Variants in LDLRAD3 observed in about 807,000 individuals in gnomAD.
LDLRAD3 encodes the protein low-density lipoprotein receptor class A domain-containing protein 3.
In LDLRAD3, 20 loss-of-function variants were observed where a neutral mutation model predicts 29.4. The observed-to-expected ratio is 0.68, with a 90% CI of 0.48 to 0.99. The LOEUF (loss-of-function observed/expected upper bound fraction) is 0.99, where lower values mean the gene tolerates loss of function less well. Among genes scored for constraint, LDLRAD3 ranks in the 50% least tolerant of loss-of-function variants. The pLI is 0.00. For synonymous variants in LDLRAD3, 157 were observed against 192.7 expected, an observed-to-expected ratio of 0.81 and a Z score of 1.53; for missense variants, 420 against 454.3, an observed-to-expected ratio of 0.92 and a Z score of 0.69.
At chr11:36,111,412 G>A (rs1290923448) in intron 4 of LDLRAD3, among the ~76,000 whole-genome samples, 1 of 152,044 alleles carries the variant, frequency 6.6e-6, no homozygotes, top group Non-Finnish European at 1.5e-5. Context: ...GGTCAGTTAT[G>A]TCTTTTTTTT....
At chr11:36,036,058 C>T in intron 1 of LDLRAD3, 45 bp from the exon 2 acceptor site, 3 of 1,593,558 alleles carry the variant, frequency 1.9e-6, no homozygotes, top group Non-Finnish European at 2.6e-6. Context: ...GCGCTGAGGT[C>T]CCTGCTGTTG....
intron 3 of LDLRAD3, among the ~76,000 whole-genome samples, chr11:36,091,278 G>A (rs1853276381): frequency 6.6e-6 from 1 of 152,196 alleles, no homozygotes; most frequent in South Asian, 2.1e-4. Context: ...TTTGAGGTAG[G>A]AGAGGAGCCG....
chr11:36,017,443 C>T lies in LDLRAD3; in HGVS notation c.47-18660C>T, dbSNP rs562697227. 3.0e-3 allele frequency among the ~76,000 whole-genome samples: 453 copies of T among 152,200 alleles called. 3 individuals are homozygous for T. The highest frequency in any genetic ancestry group is 6.8e-3 in the African/African-American group (282 of 41,546). ...CCTTTACTCTTGACTGGTCAACTTT[C>T]GCTGTGACTGGACTACTTTCACCTC... On this transcript the variant is annotated intron_variant, in intron 1 of 5. Coordinates refer to ENST00000315571, the MANE Select transcript of LDLRAD3 (RefSeq NM_174902.4).
At chr11:36,033,761 A>G (rs1309623294) in intron 1 of LDLRAD3, among the ~76,000 whole-genome samples, 1 of 152,142 alleles carries the variant, frequency 6.6e-6, no homozygotes, top group Non-Finnish European at 1.5e-5. Flanking sequence ...GGTCCCCCTC[A>G]AGCCCTTGCC....
intron 4 of LDLRAD3, chr11:36,196,917 G>A (rs1168381737): frequency 6.6e-6 from 1 of 152,112 alleles, no homozygotes; most frequent in Non-Finnish European, 1.5e-5. Flanking sequence ...CTCTCTTACT[G>A]TGAGCTTGGG....
At chr11:35,986,194 A>G (rs1014460289) in intron 1 of LDLRAD3, among the ~76,000 whole-genome samples, 2 of 152,172 alleles carry the variant, frequency 1.3e-5, no homozygotes, top group Admixed American at 6.5e-5. Context: ...TTGCAACTGG[A>G]CAGTGGCTGA....
chr11:36,148,080 A>T (rs1234116809), intron 4 of LDLRAD3, among the ~76,000 whole-genome samples: 1 of 152,096 alleles, frequency 6.6e-6, no homozygotes, highest in Admixed American at 6.5e-5. Flanking sequence ...CATGTTGGCC[A>T]GGCTGGTCTT....
chr11:36,043,162 A>G (rs1459493071), intron 2 of LDLRAD3, among the ~76,000 whole-genome samples: 1 of 152,188 alleles, frequency 6.6e-6, no homozygotes, highest in Non-Finnish European at 1.5e-5. Flanking sequence ...AAATACAAAA[A>G]TTAGCTAGAT....
chr11:35,964,683 C>T (rs931176508), intron 1 of LDLRAD3, among the ~76,000 whole-genome samples: 2 of 152,084 alleles, frequency 1.3e-5, no homozygotes, highest in African/African-American at 4.8e-5. Flanking sequence ...AGAGTAGAAG[C>T]TGGGTTTGTA....
chr11:36,001,077 C>G (rs143892935), intron 1 of LDLRAD3: 89 of 152,258 alleles, frequency 5.8e-4, no homozygotes, highest in Middle Eastern at 3.4e-3. Context: ...GTGGTACTTT[C>G]TTTCGCAGGA....
intron 4 of LDLRAD3, among the ~76,000 whole-genome samples, chr11:36,104,849 G>T (rs556497460): frequency 6.6e-6 from 1 of 152,248 alleles, no homozygotes; most frequent in Admixed American, 6.5e-5. Flanking sequence ...GTAACACTGA[G>T]CTGGGCCCAG....
chr11:36,077,395 T>C (rs1045834096), intron 2 of LDLRAD3, among the ~76,000 whole-genome samples: 1 of 152,230 alleles, frequency 6.6e-6, no homozygotes, highest in African/African-American at 2.4e-5. Context: ...GTGACACCTT[T>C]GCCCAAGTTT....
intron 4 of LDLRAD3, among the ~76,000 whole-genome samples, chr11:36,114,211 G>C (rs566803271): frequency 8.2e-4 from 125 of 152,300 alleles, no homozygotes; most frequent in South Asian, 1.4e-3. Flanking sequence ...TTGCTGCTGT[G>C]AGTGACATCA....
At chr11:36,043,919 C>T (rs572095892) in intron 2 of LDLRAD3, among the ~76,000 whole-genome samples, 33 of 152,302 alleles carry the variant, frequency 2.2e-4, no homozygotes, top group African/African-American at 7.7e-4. Context: ...TTTCACAGCG[C>T]TTACGGTGTG....
chr11:36,205,020 A>G (rs1391533705), intron 4 of LDLRAD3, among the ~76,000 whole-genome samples: 1 of 152,038 alleles, frequency 6.6e-6, no homozygotes, highest in African/African-American at 2.4e-5. Context: ...TCAGGTTCCC[A>G]GGTTCTTCCT....
intron 4 of LDLRAD3, among the ~76,000 whole-genome samples, chr11:36,152,875 T>C (rs1854296171): frequency 6.6e-6 from 1 of 152,174 alleles, no homozygotes; most frequent in Non-Finnish European, 1.5e-5. Context: ...TGAGTCCTCT[T>C]AGCAAATCTT....
At chr11:36,179,958 G>A (rs1225550907) in intron 4 of LDLRAD3, among the ~76,000 whole-genome samples, 8 of 152,090 alleles carry the variant, frequency 5.3e-5, no homozygotes, top group Non-Finnish European at 7.4e-5. Flanking sequence ...TCACACCACC[G>A]CACTCTAGCC....
chr11:36,141,440 C>T (rs899806169), intron 4 of LDLRAD3, among the ~76,000 whole-genome samples: 8 of 152,126 alleles, frequency 5.3e-5, no homozygotes, highest in African/African-American at 1.7e-4. Context: ...GATGTGGAAG[C>T]GGATGCATCC....
chr11:36,090,653 T>C (rs1236491911), intron 3 of LDLRAD3, among the ~76,000 whole-genome samples: 1 of 152,126 alleles, frequency 6.6e-6, no homozygotes, highest in Non-Finnish European at 1.5e-5. Context: ...TTGCACTGAC[T>C]CTAGAGGGGT....
Sources: allele counts gnomAD v4.1 joint callset (sites outside exome capture counted in the v4.1 genomes callset), GRCh38; gene constraint gnomAD v4.1.1; transcripts MANE v1.5; gene names NCBI Gene and HGNC (gene_info 2026-07-23, HGNC 2026-07-21).